Variants in OCIAD2 observed in about 807,000 individuals in gnomAD.
The protein encoded by OCIAD2 is OCIA domain containing 2, also known as OCIA domain-containing protein 2.
OCIAD2 carries 29 observed loss-of-function variants against 22.9 expected under a neutral mutation model. The observed-to-expected ratio is 1.27, with a 90% CI of 0.94 to 1.73. The LOEUF is 1.73. Among genes scored for constraint, OCIAD2 ranks in the 40% most tolerant of loss-of-function variants. The pLI is 0.00. For missense variants in OCIAD2, 189 were observed against 180.3 expected (o/e 1.05, Z -0.28); for synonymous variants, 67 against 60.2 (o/e 1.11, Z -0.52).
At chr4:48,895,902 C>T (rs557085452) in intron 4 of OCIAD2, among the ~76,000 whole-genome samples, 5 of 151,970 alleles carry the variant, frequency 3.3e-5, no homozygotes, top group Non-Finnish European at 7.4e-5. Context: ...TGTGGTAGCA[C>T]AGGCCTGCAA....
chr4:48,887,681 G>A (rs1290860846), intron 6 of OCIAD2, among the ~76,000 whole-genome samples: 1 of 152,110 alleles, frequency 6.6e-6, no homozygotes, highest in African/African-American at 2.4e-5. Flanking sequence ...GCTCTGTTCT[G>A]TTCCATTGGT....
chr4:48,896,110 T>C (rs1325241663), intron 4 of OCIAD2, among the ~76,000 whole-genome samples: 1 of 152,156 alleles, frequency 6.6e-6, no homozygotes, highest in Non-Finnish European at 1.5e-5. Context: ...GTGTCAAAAA[T>C]GATCTGAAAA....
rs56094878 is a variant in OCIAD2 at position 48,885,855 on chromosome 4, T to C, written c.384-290A>G. ...CTTGTTTTTTCAGAAATAATAGGAGTATTCTCCCATTCTGTAGGTTGCCTG... is the reference window on the plus strand; with the variant it reads ...CTTGTTTTTTCAGAAATAATAGGAGCATTCTCCCATTCTGTAGGTTGCCTG... On this transcript the variant is annotated intron_variant, in intron 6 of 6. Coordinates refer to ENST00000508632, the MANE Select transcript of OCIAD2 (RefSeq NM_001014446.3). Among the ~76,000 whole-genome samples, 476 of 152,230 alleles carry C rather than the reference T, an allele frequency of 3.1e-3. 1 individual carries two copies. Among genetic ancestry groups the C allele is most frequent in the African/African-American group, 0.011 (446 of 41,550 alleles).
Position 48,906,658 on chromosome 4 carries a change from C to G in OCIAD2, c.-63G>C, listed in dbSNP as rs1266701131. Reference sequence around the variant, plus strand: ...AACACTCCCCGGGGCGGGGGCTCACCTGTGTGGTCTGGGTCGCCTCCGAGG... The same window carrying G: ...AACACTCCCCGGGGCGGGGGCTCACGTGTGTGGTCTGGGTCGCCTCCGAGG... On this transcript the variant is annotated splice_region_variant and 5_prime_UTR_variant, in exon 1 of 7. Coordinates refer to ENST00000508632, the MANE Select transcript of OCIAD2 (RefSeq NM_001014446.3). 2.0e-5 allele frequency: 3 copies of G among 152,770 alleles called. No homozygotes were observed. The allele number at this position is 152,770 out of a possible 1,614,324, so 9.5% of individuals were successfully genotyped here.
chr4:48,904,356 A>C, intron 2 of OCIAD2, 128 bp downstream of exon 2: 1 of 830,732 alleles, frequency 1.2e-6, no homozygotes, highest in South Asian at 1.5e-5. Context: ...AAGCTCAAGT[A>C]GGAGGATCAC....
At chr4:48,894,760 TAGAA>T (rs1781265505) in intron 4 of OCIAD2, among the ~76,000 whole-genome samples, 1 of 152,124 alleles carries the variant, frequency 6.6e-6, no homozygotes, top group African/African-American at 2.4e-5. Flanking sequence ...TAACTTAACA[TAGAA>T]AGTTTCCATT....
At chr4:48,898,561 A>G (rs1297214934) in intron 3 of OCIAD2, among the ~76,000 whole-genome samples, 1 of 152,176 alleles carries the variant, frequency 6.6e-6, no homozygotes, top group African/African-American at 2.4e-5. Context: ...TTGGCCCAAT[A>G]GCTGTGGGTT....
At chr4:48,893,863 A>G in intron 5 of OCIAD2, 143 bp downstream of exon 5, 2 of 380,304 alleles carry the variant, frequency 5.3e-6, no homozygotes, top group Non-Finnish European at 9.7e-6. Context: ...TTTTAAAAAA[A>G]TAGATACAAG....
chr4:48,904,035 T>A (rs1185566161), intron 2 of OCIAD2, among the ~76,000 whole-genome samples: 1 of 152,016 alleles, frequency 6.6e-6, no homozygotes, highest in South Asian at 2.1e-4. Context: ...TCCTTCCCCA[T>A]CCTATTTTCC....
At chr4:48,900,425 G>C (rs1267266122) in intron 2 of OCIAD2, among the ~76,000 whole-genome samples, 1 of 151,742 alleles carries the variant, frequency 6.6e-6, no homozygotes, top group Admixed American at 6.6e-5. Flanking sequence ...TTTAGACTGT[G>C]GACTGCTTTT....
At chr4:48,897,953 T>TC in intron 3 of OCIAD2, 96 bp from the exon 4 acceptor site, 1 of 793,758 alleles carries the variant, frequency 1.3e-6, no homozygotes, top group Non-Finnish European at 2.2e-6. Context: ...TCTCTTACCT[T>TC]CCTTGGCAGT....
chr4:48,890,122 G>A (rs534380812), intron 6 of OCIAD2, among the ~76,000 whole-genome samples: 82 of 118,136 alleles, frequency 6.9e-4, no homozygotes, highest in African/African-American at 2.5e-3. Flanking sequence ...GGGGGGAGGG[G>A]GAAGAGATAG....
intron 6 of OCIAD2, among the ~76,000 whole-genome samples, chr4:48,886,872 G>C (rs1320686333): frequency 1.3e-5 from 2 of 152,186 alleles, no homozygotes; most frequent in East Asian, 3.9e-4. Flanking sequence ...GGGATGGCTG[G>C]GTCAAATGGT....
At chr4:48,900,189 C>T (rs913622320) in intron 2 of OCIAD2, among the ~76,000 whole-genome samples, 7 of 152,194 alleles carry the variant, frequency 4.6e-5, no homozygotes, top group African/African-American at 1.4e-4. Flanking sequence ...AGCAGATTTG[C>T]GATCAGGCTG....
At chr4:48,892,675 A>G in intron 6 of OCIAD2, 97 bp downstream of exon 6, 1 of 612,072 alleles carries the variant, frequency 1.6e-6, no homozygotes, top group Non-Finnish European at 2.7e-6. Flanking sequence ...TTACATGTGA[A>G]TTTAAAAAAT....
intron 2 of OCIAD2, 98 bp from the exon 3 acceptor site, chr4:48,900,023 C>A (rs73246046): frequency 0.026 from 21,077 of 805,704 alleles, 395 homozygotes; most frequent in Non-Finnish European, 0.034. Context: ...TCACTTGTTA[C>A]ACAGTGTGTG....
At chr4:48,894,462 C>T (rs1268810861) in intron 4 of OCIAD2, among the ~76,000 whole-genome samples, 1 of 152,018 alleles carries the variant, frequency 6.6e-6, no homozygotes, top group Non-Finnish European at 1.5e-5. Context: ...CGATGCACTC[C>T]AGCCTGGGTG....
chr4:48,894,044 G>T lies in OCIAD2; in HGVS notation c.227C>A (p.Ala76Glu). Reference protein sequence around the residue: ...TQGLVYQGYLAANSRFGSLPK... With the variant: ...TQGLVYQGYLEANSRFGSLPK... Reference sequence around the variant, plus strand: ...CAATGATCCAAATCTAGAATTAGCTGCCAAATAACCTAAGGAGTAATAAAG... The same window carrying T: ...CAATGATCCAAATCTAGAATTAGCTTCCAAATAACCTAAGGAGTAATAAAG... The change falls in exon 5 of 7, where the codon GCA becomes GAA. Residue 76 changes from alanine to glutamate, a missense_variant. Coordinates refer to ENST00000508632, the MANE Select transcript of OCIAD2 (RefSeq NM_001014446.3). The T allele has an allele frequency of 6.7e-7, 1 of 1,494,962 alleles. No individual in the cohort carries two copies. The highest frequency in any genetic ancestry group is 9.0e-7 in the Non-Finnish European group (1 of 1,111,594). 92.6% of individuals were successfully genotyped at this position (1,494,962 alleles called of 1,614,324 possible).
intron 5 of OCIAD2, 60 bp downstream of exon 5, chr4:48,893,946 T>G: frequency 3.6e-6 from 4 of 1,097,556 alleles, no homozygotes; most frequent in Non-Finnish European, 5.1e-6. Flanking sequence ...CCTCCCAAAG[T>G]GCTGGGATTA....
Sources: gnomAD v4.1 joint callset for allele counts (sites outside exome capture counted in the v4.1 genomes callset) on GRCh38, gnomAD v4.1.1 for gene constraint, MANE v1.5 for transcripts, NCBI Gene and HGNC (gene_info 2026-07-23, HGNC 2026-07-21) for gene names.